ADGRL3: variants seen among roughly 807,000 people sequenced by gnomAD.
ADGRL3 encodes calcium-independent alpha-latrotoxin receptor 3.
In ADGRL3, 62 loss-of-function variants were observed where a neutral mutation model predicts 153.5. The ratio of observed to expected loss-of-function variants is 0.40; its 90% CI spans 0.33 to 0.50. The LOEUF (loss-of-function observed/expected upper bound fraction) is 0.50, where lower values mean the gene tolerates loss of function less well. ADGRL3 is among the 20% of genes least tolerant of loss of function. ADGRL3 has a pLI of 0.47. For synonymous variants in ADGRL3, 710 were observed against 672.5 expected (o/e 1.06, Z -0.86); for missense variants, 1,641 against 1,859.4 (o/e 0.88, Z 2.16).
intron 5 of ADGRL3, among the ~76,000 whole-genome samples, chr4:61,668,951 C>T (rs2094898837): frequency 6.6e-6 from 1 of 151,986 alleles, no homozygotes; most frequent in South Asian, 2.1e-4. Flanking sequence ...CTGCAGAGAT[C>T]GAAGATGCAG....
intron 1 of ADGRL3, among the ~76,000 whole-genome samples, chr4:61,229,893 C>A (rs1362202878): frequency 6.4e-4 from 2 of 3,132 alleles, no homozygotes; most frequent in Non-Finnish European, 0.013. Context: ...AGAGTGAGAC[C>A]CTGTTCTTAA....
At chr4:61,382,349 C>T (rs2096679929) in intron 1 of ADGRL3, among the ~76,000 whole-genome samples, 1 of 151,342 alleles carries the variant, frequency 6.6e-6, no homozygotes, top group African/African-American at 2.4e-5. Flanking sequence ...GTGTAAAGCT[C>T]TTTAAATAGA....
chr4:61,801,719 C>G (rs1218114675), intron 8 of ADGRL3, among the ~76,000 whole-genome samples: 1 of 152,134 alleles, frequency 6.6e-6, no homozygotes, highest in African/African-American at 2.4e-5. Flanking sequence ...CATAATATAA[C>G]TTGTTTACAA....
chr4:62,070,180 A>G lies in ADGRL3; in HGVS notation c.3904A>G (p.Ser1302Gly). ...ACCACTGAATGGTAACCATGGCAATAGTTACAGCATTGCCAGCGGCGAATA... is the reference window on the plus strand; with the variant it reads ...ACCACTGAATGGTAACCATGGCAATGGTTACAGCATTGCCAGCGGCGAATA... ...TLPLNGNHGN[S>G]YSIASGEYLS... Residue 1302 changes from serine (S) to glycine (G), a missense_variant, in exon 27 of 27, where the codon AGT becomes GGT. This residue lies in a region of ADGRL3 where 517 missense variants were observed against 555.0 expected (regional missense o/e 0.93). Coordinates refer to ENST00000683033, the MANE Select transcript of ADGRL3 (RefSeq NM_001387552.1). 3.1e-6 allele frequency: 5 copies of G among 1,613,878 alleles called. No individual in the cohort carries two copies. Among genetic ancestry groups the G allele is most frequent in the Non-Finnish European group, 4.2e-6 (5 of 1,179,818 alleles).
chr4:61,560,660 T>A lies in ADGRL3; in HGVS notation c.260-26567T>A, dbSNP rs894269628. ...TTGTGGGGTTTTTATTTATTTATTT[T>A]TTTTGCCTTCCTTTAAAGAAATGGA... On this transcript the variant is annotated intron_variant, in intron 4 of 26. Transcript: ENST00000683033. 6.0e-4 allele frequency among the ~76,000 whole-genome samples: 91 copies of A among 152,198 alleles called. 1 individual carries two copies. Among genetic ancestry groups the A allele is most frequent in the African/African-American group, 1.8e-3 (76 of 41,538 alleles).
intron 2 of ADGRL3, among the ~76,000 whole-genome samples, chr4:61,411,969 C>T (rs1378078356): frequency 6.6e-6 from 1 of 152,138 alleles, no homozygotes; most frequent in African/African-American, 2.4e-5. Context: ...TGTGTTAACC[C>T]TCATATATTC....
At chr4:62,045,253 C>G (rs1160827675) in intron 25 of ADGRL3, among the ~76,000 whole-genome samples, 1 of 151,774 alleles carries the variant, frequency 6.6e-6, no homozygotes, top group African/African-American at 2.4e-5. Flanking sequence ...CAACCTCTCT[C>G]TCTTTCTGTG....
intron 21 of ADGRL3, among the ~76,000 whole-genome samples, chr4:62,009,302 A>T (rs185144473): frequency 1.3e-5 from 2 of 152,290 alleles, no homozygotes; most frequent in African/African-American, 4.8e-5. Flanking sequence ...TTGTCAATGA[A>T]AATTACCTAA....
chr4:61,323,731 A>C (rs1467666087), intron 1 of ADGRL3, among the ~76,000 whole-genome samples: 2 of 152,164 alleles, frequency 1.3e-5, no homozygotes, highest in Admixed American at 6.5e-5. Context: ...CCATTCAACA[A>C]GTCACTAGGT....
chr4:61,826,064 C>G (rs1465273851), intron 9 of ADGRL3, among the ~76,000 whole-genome samples: 4 of 152,002 alleles, frequency 2.6e-5, no homozygotes, highest in Non-Finnish European at 5.9e-5. Flanking sequence ...TAGTGAATGC[C>G]TAGGAGAGAA....
intron 12 of ADGRL3, among the ~76,000 whole-genome samples, chr4:61,910,998 A>G (rs13110272): frequency 2.9e-4 from 44 of 151,812 alleles, no homozygotes; most frequent in Admixed American, 5.3e-4. Flanking sequence ...TAAAGGAGTT[A>G]TTTTTGTCAC....
intron 1 of ADGRL3, among the ~76,000 whole-genome samples, chr4:61,330,151 C>G (rs530572273): frequency 6.6e-6 from 1 of 152,110 alleles, no homozygotes; most frequent in African/African-American, 2.4e-5. Flanking sequence ...CAAGGACAGA[C>G]GTATTCTTTG....
intron 1 of ADGRL3, among the ~76,000 whole-genome samples, chr4:61,296,169 C>T (rs1202718446): frequency 6.6e-6 from 1 of 151,988 alleles, no homozygotes; most frequent in Non-Finnish European, 1.5e-5. Flanking sequence ...GGATAAGAAA[C>T]AAAAGCAAAG....
intron 2 of ADGRL3, among the ~76,000 whole-genome samples, chr4:61,436,209 A>C (rs751645903): frequency 6.6e-6 from 1 of 152,146 alleles, no homozygotes; most frequent in African/African-American, 2.4e-5. Context: ...TTGTTGGGCA[A>C]GTTATTTCTA....
intron 9 of ADGRL3, among the ~76,000 whole-genome samples, chr4:61,838,584 G>A (rs1185331323): frequency 6.6e-6 from 1 of 152,078 alleles, no homozygotes; most frequent in Non-Finnish European, 1.5e-5. Context: ...TAATAAAGAT[G>A]TACATGTCTA....
At chr4:61,717,866 T>G (rs2096154222) in intron 6 of ADGRL3, among the ~76,000 whole-genome samples, 1 of 151,860 alleles carries the variant, frequency 6.6e-6, no homozygotes, top group Non-Finnish European at 1.5e-5. Flanking sequence ...GAACCCCATC[T>G]CAATTAAAAG....
At chr4:61,374,001 C>A (rs1490732409) in intron 1 of ADGRL3, among the ~76,000 whole-genome samples, 1 of 152,076 alleles carries the variant, frequency 6.6e-6, no homozygotes, top group Non-Finnish European at 1.5e-5. Flanking sequence ...ATACACGAAT[C>A]CTTTGAACTT....
chr4:61,717,110 A>T (rs1376986224), intron 6 of ADGRL3, among the ~76,000 whole-genome samples: 1 of 151,876 alleles, frequency 6.6e-6, no homozygotes, highest in Non-Finnish European at 1.5e-5. Flanking sequence ...AATCTCAGAA[A>T]CCTAAAACTT....
At chr4:61,684,283 G>A (rs952845007) in intron 6 of ADGRL3, among the ~76,000 whole-genome samples, 2 of 152,114 alleles carry the variant, frequency 1.3e-5, no homozygotes, top group Admixed American at 6.6e-5. Context: ...ATTAAATAAA[G>A]CAGAGGTTTT....
Sources: allele counts gnomAD v4.1 joint callset (sites outside exome capture counted in the v4.1 genomes callset), GRCh38; gene constraint gnomAD v4.1.1; regional missense constraint gnomAD v4.1.1; transcripts MANE v1.5; gene names NCBI Gene and HGNC (gene_info 2026-07-23, HGNC 2026-07-21).